The following PRPF18 variants were observed in gnomAD, a reference collection of about 807,000 sequenced individuals.
The protein encoded by PRPF18 is pre-mRNA processing factor 18, also known as pre-mRNA-splicing factor 18.
In PRPF18, 38 loss-of-function variants were observed where a neutral mutation model predicts 46.5. The observed-to-expected ratio is 0.82, with a 90% confidence interval of 0.63 to 1.07. The LOEUF is 1.07. PRPF18 is among the 50% of genes least tolerant of loss of function. The probability of loss-of-function intolerance (pLI) is 0.00; values close to 1 mark genes in which losing one functional copy is unlikely to be tolerated. For missense variants in PRPF18, 263 were observed against 410.0 expected (o/e 0.64, Z 3.10); for synonymous variants, 152 against 146.7 (o/e 1.04, Z -0.26).
rs147873784 is a variant in PRPF18 at position 13,597,766 on chromosome 10, C to T, written c.144+231C>T. ...TTGGAATGGTTTGGCTTTTTGTGGA[C>T]GGCATGAAGTGGCTTGAGATCAAAG... On this transcript the variant is annotated intron_variant, in intron 2 of 9. Transcript: ENST00000378572. 1,066 of 1,034,962 alleles carry T rather than the reference C, an allele frequency of 1.0e-3. 9 individuals are homozygous for T. In the East Asian group the frequency reaches 0.013, roughly 13 times the overall value. 64.1% of individuals were successfully genotyped at this position (1,034,962 alleles called of 1,614,324 possible).
intron 1 of PRPF18, chr10:13,592,062 G>A (rs1448012064): frequency 4.5e-5 from 26 of 579,722 alleles, no homozygotes; most frequent in Non-Finnish European, 7.5e-5. Flanking sequence ...TGTAACAGTT[G>A]CAAGAACCTT....
the PRPF18 span, chr10:13,638,771 A>C: frequency 0.55 from 84,086 of 151,846 alleles, 23,696 homozygotes; most frequent in East Asian, 0.79. Context: ...TACCAATTCA[A>C]ATGTTAATCT....
the PRPF18 span, chr10:13,647,000 A>AG: frequency 1.0e-6 from 1 of 982,526 alleles, no homozygotes; most frequent in Non-Finnish European, 1.2e-6. Context: ...TTCTGGATAG[A>AG]GGGAGGAATC....
intron 9 of PRPF18, among the ~76,000 whole-genome samples, chr10:13,627,419 C>T (rs2080524458): frequency 6.6e-6 from 1 of 152,054 alleles, no homozygotes; most frequent in Non-Finnish European, 1.5e-5. Flanking sequence ...AAATAAAAAG[C>T]CAATTAAAAA....
intron 2 of PRPF18, among the ~76,000 whole-genome samples, chr10:13,599,440 G>A (rs1045980877): frequency 9.2e-5 from 14 of 152,002 alleles, no homozygotes; most frequent in Non-Finnish European, 2.1e-4. Flanking sequence ...CAGCATTTTG[G>A]ATTTATCTTA....
intron 1 of PRPF18, among the ~76,000 whole-genome samples, chr10:13,593,871 A>G (rs2478112): frequency 0.8 from 122,368 of 152,088 alleles, 49,350 homozygotes; most frequent in East Asian, 0.85. Flanking sequence ...AGGATGGGAA[A>G]TTCGTGAGAA....
intron 9 of PRPF18, among the ~76,000 whole-genome samples, chr10:13,627,140 TCA>T (rs2080520549): frequency 6.6e-6 from 1 of 152,166 alleles, no homozygotes; most frequent in Admixed American, 6.5e-5. Context: ...GCTTCCTAGT[TCA>T]CAGAGTCCAA....
the PRPF18 span, chr10:13,643,629 A>G: frequency 6.6e-6 from 1 of 152,660 alleles, no homozygotes; most frequent in Non-Finnish European, 1.5e-5. Context: ...AAGCACCTGA[A>G]TTACAGATTC....
At chr10:13,615,707 C>A (rs150239396) in intron 8 of PRPF18, among the ~76,000 whole-genome samples, 6 of 152,158 alleles carry the variant, frequency 3.9e-5, no homozygotes, top group African/African-American at 1.4e-4. Flanking sequence ...TCACAGCTAG[C>A]CAGGCTTGGT....
chr10:13,651,855 G>A, the PRPF18 span: 1 of 898,038 alleles, frequency 1.1e-6, no homozygotes, highest in East Asian at 2.4e-5. Context: ...CAACACATGT[G>A]GGACCACAGA....
At chr10:13,611,804 T>C (rs977904263) in intron 6 of PRPF18, 121 bp downstream of exon 6, 4 of 748,004 alleles carry the variant, frequency 5.3e-6, no homozygotes, top group Non-Finnish European at 9.0e-6. Flanking sequence ...TTCTCACACA[T>C]ACATGATGTT....
chr10:13,647,998 T>C, the PRPF18 span: 2 of 148,938 alleles, frequency 1.3e-5, no homozygotes, highest in Non-Finnish European at 3.0e-5. Context: ...GGGTGAGTTT[T>C]AGGAGCATTT....
intron 9 of PRPF18, 43 bp from the exon 10 acceptor site, chr10:13,630,217 T>C (rs1564465587): frequency 6.8e-7 from 1 of 1,466,230 alleles, no homozygotes; most frequent in Non-Finnish European, 9.6e-7. Flanking sequence ...TAAGAATAAT[T>C]TAACCATGTC....
Position 13,612,163 on chromosome 10 carries a change from A to G in PRPF18, c.579+480A>G, listed in dbSNP as rs187742703. Among the ~76,000 whole-genome samples, 77 of 152,304 alleles carry G rather than the reference A, an allele frequency of 5.1e-4. No homozygotes were observed. In the South Asian group the frequency reaches 0.012, roughly 24 times the overall value. Reference sequence around the variant, plus strand: ...CCAAAGTGCTGGGATTACAGGCATGAGCCACTGCGACTGGTCTGCTTTTCT... The same window carrying G: ...CCAAAGTGCTGGGATTACAGGCATGGGCCACTGCGACTGGTCTGCTTTTCT... On this transcript the variant is annotated intron_variant, in intron 6 of 9. Coordinates refer to ENST00000378572, the MANE Select transcript of PRPF18 (RefSeq NM_003675.4).
chr10:13,601,433 A>C (rs1377681224), intron 3 of PRPF18, among the ~76,000 whole-genome samples: 1 of 152,228 alleles, frequency 6.6e-6, no homozygotes, highest in East Asian at 1.9e-4. Flanking sequence ...AAATCAAATC[A>C]ATACAAAAGG....
intron 9 of PRPF18, among the ~76,000 whole-genome samples, chr10:13,619,621 C>T (rs2080395260): frequency 6.6e-6 from 1 of 152,198 alleles, no homozygotes; most frequent in Non-Finnish European, 1.5e-5. Flanking sequence ...TGGCTTCTGT[C>T]TTCCACTTTC....
In PRPF18 at chr10:13,616,563, T is replaced by C; in HGVS notation, c.948+10T>C. On this transcript the variant is annotated intron_variant, in intron 9 of 9. Coordinates refer to ENST00000378572, the MANE Select transcript of PRPF18 (RefSeq NM_003675.4). ...GCGGAAATATATTCAGGTAAGCAGTTTGGAGAGCCGGGAATTGCCCTGGAA... is the reference window on the plus strand; with the variant it reads ...GCGGAAATATATTCAGGTAAGCAGTCTGGAGAGCCGGGAATTGCCCTGGAA... 3 of 1,613,532 alleles carry C rather than the reference T, an allele frequency of 1.9e-6. No homozygotes were observed. The highest frequency in any genetic ancestry group is 2.5e-6 in the Non-Finnish European group (3 of 1,179,698).
the PRPF18 span, chr10:13,646,780 G>A: frequency 6.5e-6 from 1 of 153,166 alleles, no homozygotes; most frequent in South Asian, 2.1e-4. Flanking sequence ...TCCTCAGTCA[G>A]GTTTTCAAGG....
chr10:13,599,703 G>A (rs910808864), intron 2 of PRPF18, among the ~76,000 whole-genome samples: 7 of 152,150 alleles, frequency 4.6e-5, no homozygotes, highest in African/African-American at 1.7e-4. Flanking sequence ...ACTCTTCGTA[G>A]CATTAGGAAT....
Sources: allele counts gnomAD v4.1 joint callset (sites outside exome capture counted in the v4.1 genomes callset), GRCh38; gene constraint gnomAD v4.1.1; transcripts MANE v1.5; gene names NCBI Gene and HGNC (gene_info 2026-07-23, HGNC 2026-07-21).